Variants in NELL1 observed in about 807,000 individuals in gnomAD.
The protein encoded by NELL1 is neural EGFL like 1, also known as protein kinase C-binding protein NELL1.
Under a neutral mutation model 107.4 loss-of-function variants are expected in NELL1, and 76 were observed. The ratio of observed to expected loss-of-function variants is 0.71; its 90% confidence interval spans 0.59 to 0.86. The LOEUF is 0.86. Ranked by LOEUF, NELL1 falls within the 40% of genes least tolerant of loss-of-function variation. The pLI is 0.00. For synonymous variants in NELL1, 353 were observed against 341.2 expected, an observed-to-expected ratio of 1.03 and a Z score of -0.38; for missense variants, 1,024 against 1,005.5, an observed-to-expected ratio of 1.02 and a Z score of -0.25.
chr11:21,346,627 A>C lies in NELL1; in HGVS notation c.1550-24226A>C, dbSNP rs1027998249. Reference sequence around the variant, plus strand: ...GATATTTGATATATATGCTGTATCAAATATATATTAATTATATGATATAAT... The same window carrying C: ...GATATTTGATATATATGCTGTATCACATATATATTAATTATATGATATAAT... On this transcript the variant is annotated intron_variant, in intron 14 of 19. Transcript: ENST00000357134. 2.7e-5 allele frequency among the ~76,000 whole-genome samples: 4 copies of C among 148,038 alleles called. 1 individual carries two copies. Among genetic ancestry groups the C allele is most frequent in the Non-Finnish European group, 4.5e-5 (3 of 67,252 alleles).
intron 12 of NELL1, among the ~76,000 whole-genome samples, chr11:21,022,893 A>T (rs1333854636): frequency 6.6e-6 from 1 of 152,084 alleles, no homozygotes; most frequent in Non-Finnish European, 1.5e-5. Flanking sequence ...AAAGGGGATG[A>T]TGGTAGAGTT....
chr11:21,245,196 A>G (rs548839194), intron 14 of NELL1, among the ~76,000 whole-genome samples: 54 of 152,212 alleles, frequency 3.5e-4, no homozygotes, highest in African/African-American at 1.2e-3. Context: ...GTCAAACTAA[A>G]ACTACTCATA....
intron 14 of NELL1, among the ~76,000 whole-genome samples, chr11:21,332,912 G>A (rs1850303980): frequency 6.6e-6 from 1 of 151,724 alleles, no homozygotes; most frequent in Non-Finnish European, 1.5e-5. Context: ...GATTATTTTT[G>A]GTATAAGTTA....
intron 15 of NELL1, among the ~76,000 whole-genome samples, chr11:21,417,158 G>C (rs537634739): frequency 1.1e-4 from 16 of 152,014 alleles, no homozygotes; most frequent in African/African-American, 3.6e-4. Context: ...TGTGTTATCC[G>C]AGTGTTTGCT....
chr11:21,115,331 A>ACACACAC (rs1855207471), intron 13 of NELL1, among the ~76,000 whole-genome samples: 1 of 140,612 alleles, frequency 7.1e-6, no homozygotes, highest in South Asian at 2.5e-4. Context: ...GTCTACATCA[A>ACACACAC]ACACACACAC....
At chr11:21,015,301 G>A (rs1227405601) in intron 12 of NELL1, among the ~76,000 whole-genome samples, 1 of 152,112 alleles carries the variant, frequency 6.6e-6, no homozygotes, top group African/African-American at 2.4e-5. Flanking sequence ...AAGCCCAGAA[G>A]AGGGAGGAAA....
At chr11:20,886,916 A>C (rs1849521212) in intron 5 of NELL1, among the ~76,000 whole-genome samples, 2 of 152,062 alleles carry the variant, frequency 1.3e-5, no homozygotes, top group African/African-American at 4.8e-5. Context: ...AAGTTTTGGA[A>C]AATCTACACT....
At chr11:20,688,391 T>C (rs1854363512) in intron 2 of NELL1, among the ~76,000 whole-genome samples, 1 of 152,122 alleles carries the variant, frequency 6.6e-6, no homozygotes, top group Non-Finnish European at 1.5e-5. Context: ...ATCTTCCCCC[T>C]CTCGTAGTTC....
intron 13 of NELL1, among the ~76,000 whole-genome samples, chr11:21,131,235 A>G (rs1855608996): frequency 6.6e-6 from 1 of 152,186 alleles, no homozygotes; most frequent in Non-Finnish European, 1.5e-5. Context: ...ATTATCTATA[A>G]CAATAATTAA....
At chr11:21,522,077 G>A (rs547408701) in intron 15 of NELL1, among the ~76,000 whole-genome samples, 1 of 151,784 alleles carries the variant, frequency 6.6e-6, no homozygotes, top group South Asian at 2.1e-4. Flanking sequence ...GTGCCCAAAG[G>A]AAAAAAGCCA....
chr11:21,086,853 A>C (rs1458547112), intron 12 of NELL1, among the ~76,000 whole-genome samples: 4 of 120,368 alleles, frequency 3.3e-5, no homozygotes, highest in African/African-American at 1.4e-4. Context: ...TTTTTTTGAG[A>C]CGGAGTCTCA....
At chr11:20,720,133 C>T (rs946320037) in intron 2 of NELL1, among the ~76,000 whole-genome samples, 1 of 151,436 alleles carries the variant, frequency 6.6e-6, no homozygotes, top group African/African-American at 2.4e-5. Context: ...GCTTTTGATA[C>T]TACAAGCTCT....
chr11:20,952,329 T>C (rs541926386), intron 11 of NELL1, among the ~76,000 whole-genome samples: 7 of 152,320 alleles, frequency 4.6e-5, no homozygotes, highest in East Asian at 1.9e-4. Flanking sequence ...TGCCTTGTCA[T>C]CTGGCCTGGA....
At chr11:20,831,047 A>G (rs1857998006) in intron 3 of NELL1, among the ~76,000 whole-genome samples, 1 of 152,164 alleles carries the variant, frequency 6.6e-6, no homozygotes, top group Non-Finnish European at 1.5e-5. Context: ...TTGTTTGGCA[A>G]ACTCTCTCAG....
intron 14 of NELL1, among the ~76,000 whole-genome samples, chr11:21,317,110 T>C (rs1446000320): frequency 6.6e-6 from 1 of 152,088 alleles, no homozygotes; most frequent in Admixed American, 6.6e-5. Context: ...TTAACACATA[T>C]ATAGTGTTTA....
At chr11:21,246,961 CCCA>C (rs2133905066) in intron 14 of NELL1, among the ~76,000 whole-genome samples, 1 of 152,294 alleles carries the variant, frequency 6.6e-6, no homozygotes, top group African/African-American at 2.4e-5. Context: ...CTGGGTCCCT[CCCA>C]CAACATGTGG....
At chr11:20,970,763 G>A (rs1233871479) in intron 12 of NELL1, among the ~76,000 whole-genome samples, 2 of 149,898 alleles carry the variant, frequency 1.3e-5, no homozygotes, top group African/African-American at 2.5e-5. Flanking sequence ...ATGGGGAAAA[G>A]CATTTTGAAT....
intron 14 of NELL1, among the ~76,000 whole-genome samples, chr11:21,336,805 GTTA>G (rs1424314948): frequency 1.3e-5 from 2 of 151,470 alleles, no homozygotes; most frequent in Non-Finnish European, 2.9e-5. Flanking sequence ...AATTACTGAA[GTTA>G]TTATATTAAA....
At chr11:21,008,292 A>C (rs1257982809) in intron 12 of NELL1, among the ~76,000 whole-genome samples, 1 of 152,194 alleles carries the variant, frequency 6.6e-6, no homozygotes, top group African/African-American at 2.4e-5. Context: ...TACAAACTAC[A>C]TCTTAAATCC....
Sources: allele counts gnomAD v4.1 joint callset (sites outside exome capture counted in the v4.1 genomes callset), GRCh38; gene constraint gnomAD v4.1.1; transcripts MANE v1.5; gene names NCBI Gene and HGNC (gene_info 2026-07-23, HGNC 2026-07-21).